ZNF423: variants seen among roughly 807,000 people sequenced by gnomAD.
ZNF423 encodes zinc finger protein 423.
A neutral mutation model predicts 95.8 loss-of-function variants in ZNF423; 12 were observed. The observed-to-expected ratio is 0.13, with a 90% CI of 0.08 to 0.20. The LOEUF (loss-of-function observed/expected upper bound fraction) is 0.20, where lower values mean the gene tolerates loss of function less well. Ranked by LOEUF, ZNF423 falls within the 10% of genes least tolerant of loss-of-function variation. ZNF423 has a pLI of 1.00. For synonymous variants in ZNF423, 749 were observed against 711.9 expected, an observed-to-expected ratio of 1.05 and a Z score of -0.83; for missense variants, 1,316 against 1,737.1, an observed-to-expected ratio of 0.76 and a Z score of 4.31.
At chr16:49,734,156 T>G (rs1479910291) in intron 2 of ZNF423, among the ~76,000 whole-genome samples, 1 of 152,180 alleles carries the variant, frequency 6.6e-6, no homozygotes, top group Non-Finnish European at 1.5e-5. Context: ...CTGGGGTTCC[T>G]CTTTTCCAGG....
rs578187150 is a variant in ZNF423, at chr16:49,502,111, A to G, written c.3850-10807T>C. Reference sequence around the variant, plus strand: ...AAGTACTATGCAAGCCCACGAAAACATATCTGCAGGTTGAATCTGGCCCTC... The same window carrying G: ...AAGTACTATGCAAGCCCACGAAAACGTATCTGCAGGTTGAATCTGGCCCTC... On this transcript the variant is annotated intron_variant, in intron 7 of 7. Coordinates refer to ENST00000563137, the MANE Select transcript of ZNF423 (RefSeq NM_001379286.1). 2.7e-4 allele frequency among the ~76,000 whole-genome samples: 40 copies of G among 147,098 alleles called. 1 individual carries two copies. In the South Asian group the frequency reaches 7.9e-3, roughly 29 times the overall value.
At chr16:49,534,538 C>T (rs146262860) in intron 5 of ZNF423, among the ~76,000 whole-genome samples, 12 of 152,326 alleles carry the variant, frequency 7.9e-5, no homozygotes, top group African/African-American at 2.6e-4. Flanking sequence ...CAGGAGTGAG[C>T]TACCACGCCC....
chr16:49,841,715 TCTACTCCCCTCTCTGGC>T (rs2035184162), intron 1 of ZNF423, among the ~76,000 whole-genome samples: 1 of 152,202 alleles, frequency 6.6e-6, no homozygotes, highest in Non-Finnish European at 1.5e-5. Flanking sequence ...GTGGTTAGGG[TCTACTCCCCTCTCTGGC>T]CTCCAGGCTT....
At chr16:49,585,320 G>A (rs1246382890) in intron 5 of ZNF423, among the ~76,000 whole-genome samples, 1 of 152,130 alleles carries the variant, frequency 6.6e-6, no homozygotes, top group Non-Finnish European at 1.5e-5. Flanking sequence ...CGGCCTCTCA[G>A]CCCCCTGAGG....
chr16:49,583,172 C>CAAA (rs1304355179), intron 5 of ZNF423, among the ~76,000 whole-genome samples: 17 of 152,334 alleles, frequency 1.1e-4, no homozygotes, highest in Admixed American at 8.5e-4. Flanking sequence ...AGGAACCTTC[C>CAAA]TGGACTGATG....
At chr16:49,753,721 T>C (rs2033673311) in intron 2 of ZNF423, among the ~76,000 whole-genome samples, 1 of 152,146 alleles carries the variant, frequency 6.6e-6, no homozygotes, top group South Asian at 2.1e-4. Flanking sequence ...GAGCAAACAC[T>C]TGAATGGCAC....
intron 3 of ZNF423, among the ~76,000 whole-genome samples, chr16:49,649,617 A>C (rs2216059): frequency 0.73 from 110,357 of 151,144 alleles, 40,900 homozygotes; most frequent in South Asian, 0.85. Flanking sequence ...AACACTAAAG[A>C]AACCCTTTAC....
At chr16:49,691,886 C>A (rs767763280) in intron 3 of ZNF423, among the ~76,000 whole-genome samples, 1 of 152,070 alleles carries the variant, frequency 6.6e-6, no homozygotes, top group Non-Finnish European at 1.5e-5. Flanking sequence ...TGCTGAGGGA[C>A]AGGGCGGCTG....
At chr16:49,704,156 C>T (rs2032278985) in intron 3 of ZNF423, among the ~76,000 whole-genome samples, 1 of 152,126 alleles carries the variant, frequency 6.6e-6, no homozygotes, top group African/African-American at 2.4e-5. Flanking sequence ...CTCTGGAACA[C>T]CCTGGCTGTG....
intron 2 of ZNF423, among the ~76,000 whole-genome samples, chr16:49,748,753 C>T (rs1045908719): frequency 1.3e-5 from 2 of 152,160 alleles, no homozygotes; most frequent in Non-Finnish European, 2.9e-5. Context: ...TGGGTACCCA[C>T]CTGTGACCCC....
In ZNF423 at chr16:49,754,086, CA is replaced by C. The variant is rs1237553305; in HGVS notation, c.101-23116del. On this transcript the variant is annotated intron_variant, in intron 2 of 7. Coordinates refer to ENST00000563137, the MANE Select transcript of ZNF423 (RefSeq NM_001379286.1). The stretch of plus-strand genomic sequence containing the variant: ...GTGGAGGAAGAATAGTTTGTTTATG[CA>C]AAGGCCCCAACCCAAGGCCAGGTCA... Among the ~76,000 whole-genome samples, 12 of 151,130 alleles carry C rather than the reference CA, an allele frequency of 7.9e-5. No individual in the cohort carries two copies. The East Asian group carries it at 2.1e-3, about 27-fold the overall frequency.
At position 49,523,758 on chromosome 16, in the gene ZNF423, G is replaced by A; in HGVS notation, c.3734-19C>T. ...ACGAAGACTAGACACAGACACGGCT[G>A]TCAGGGCCAAGCTCAGGACACCAGC... On this transcript the variant is annotated intron_variant, in intron 6 of 7. Transcript: ENST00000563137. The A allele has an allele frequency of 6.2e-7, 1 of 1,606,946 alleles. No homozygotes were observed. The highest frequency in any genetic ancestry group is 8.5e-7 in the Non-Finnish European group (1 of 1,176,876).
chr16:49,628,035 T>C (rs1424382425), intron 4 of ZNF423, among the ~76,000 whole-genome samples: 1 of 136,264 alleles, frequency 7.3e-6, no homozygotes, highest in African/African-American at 2.8e-5. Flanking sequence ...CACCCATCCA[T>C]CTTCCATCTA....
At chr16:49,828,105 G>A (rs1207542859) in intron 1 of ZNF423, among the ~76,000 whole-genome samples, 1 of 152,082 alleles carries the variant, frequency 6.6e-6, no homozygotes, top group African/African-American at 2.4e-5. Context: ...CCACCAGATG[G>A]CCCATCTCCA....
rs578054552 is a variant in ZNF423 at position 49,657,555 on chromosome 16, C to A, written c.302-18681G>T. ...GACCCCAAAGGGAGGGGAGGTGATG[C>A]CCCCAGGGGCAACCTTCACCTAAAA... On this transcript the variant is annotated intron_variant, in intron 3 of 7. Transcript: ENST00000563137. Among the ~76,000 whole-genome samples the A allele has an allele frequency of 2.4e-4, 37 of 152,304 alleles. No individual in the cohort carries two copies. The South Asian group carries it at 5.8e-3, about 24-fold the overall frequency.
intron 5 of ZNF423, among the ~76,000 whole-genome samples, chr16:49,560,737 A>G (rs74017972): frequency 2.1e-3 from 320 of 152,256 alleles, no homozygotes; most frequent in African/African-American, 7.4e-3. Flanking sequence ...CAGTGTGCAA[A>G]CTCGGTGTAA....
chr16:49,724,385 T>C (rs907409994), intron 3 of ZNF423, among the ~76,000 whole-genome samples: 5 of 152,280 alleles, frequency 3.3e-5, no homozygotes, highest in African/African-American at 9.6e-5. Flanking sequence ...TTTTGCGCCA[T>C]GTGAAGTCAA....
intron 7 of ZNF423, 42 bp downstream of exon 7, chr16:49,523,582 A>C: frequency 1.3e-6 from 2 of 1,553,122 alleles, no homozygotes; most frequent in Non-Finnish European, 1.8e-6. Flanking sequence ...GGGGGAACCG[A>C]GGACCATCAG....
intron 5 of ZNF423, among the ~76,000 whole-genome samples, chr16:49,605,330 C>A (rs532623278): frequency 1.3e-5 from 2 of 152,208 alleles, no homozygotes; most frequent in Admixed American, 1.3e-4. Context: ...GGAACTTGGG[C>A]GGGTTTGCAT....
Sources: gnomAD v4.1 joint callset for allele counts (sites outside exome capture counted in the v4.1 genomes callset) on GRCh38, gnomAD v4.1.1 for gene constraint, MANE v1.5 for transcripts, NCBI Gene and HGNC (gene_info 2026-07-23, HGNC 2026-07-21) for gene names.